The following ATP2C2 variants were observed in gnomAD, a reference collection of about 807,000 sequenced individuals.
ATP2C2 encodes the protein ATPase secretory pathway Ca2+ transporting 2, also known as calcium-transporting ATPase type 2C member 2.
In ATP2C2, 171 loss-of-function variants were observed where a neutral mutation model predicts 110.8. That is an observed-to-expected ratio of 1.54 (90% confidence interval 1.36 to 1.75). The LOEUF is 1.75. Among genes scored for constraint, ATP2C2 ranks in the 40% most tolerant of loss-of-function variants. ATP2C2 has a pLI of 0.00. For synonymous variants in ATP2C2, 804 were observed against 508.4 expected (o/e 1.58, Z -7.82); for missense variants, 1,963 against 1,235.0 (o/e 1.59, Z -8.84).
In ATP2C2 at chr16:84,462,008, C is replaced by G. The variant is rs189376627; in HGVS notation, c.2601C>G (p.Ile867Met). The stretch of plus-strand genomic sequence containing the variant: ...TGCAGACCAAGCTGATATTTGAGAT[C>G]GGCTTTCTCAGGAACCACATGTTCC... The part of the protein sequence containing the change: ...CRSQTKLIFE[I>M]GFLRNHMFLY... Residue 867 changes from isoleucine (I) to methionine (M), a missense_variant, in exon 26 of 27, where the codon ATC (isoleucine) becomes ATG (methionine). Ile to Met is a conservative substitution (Grantham distance 10). Transcript: ENST00000262429. 2 of 1,613,676 alleles carry G rather than the reference C, an allele frequency of 1.2e-6. No homozygotes were observed. The highest frequency in any genetic ancestry group is 2.2e-5 in the East Asian group (1 of 44,880).
At chr16:84,381,341 A>G (rs1910569187) in intron 1 of ATP2C2, among the ~76,000 whole-genome samples, 2 of 152,280 alleles carry the variant, frequency 1.3e-5, no homozygotes, top group South Asian at 4.1e-4. Flanking sequence ...ATCTGGATGT[A>G]TACGTGCAAG....
intron 24 of ATP2C2, 191 bp from the exon 25 acceptor site, chr16:84,461,523 G>T (rs1911335071): frequency 3.1e-6 from 2 of 640,612 alleles, no homozygotes; most frequent in South Asian, 3.6e-5. Flanking sequence ...CAGCAAATCA[G>T]CATGTGCTGG....
chr16:84,443,710 C>G (rs1412823838), intron 15 of ATP2C2, among the ~76,000 whole-genome samples: 2 of 152,218 alleles, frequency 1.3e-5, no homozygotes. Flanking sequence ...CCAGGGCTCA[C>G]TTCACTGCCT....
chr16:84,459,434 G>C (rs747063843), intron 23 of ATP2C2, 48 bp downstream of exon 23: 1 of 1,605,826 alleles, frequency 6.2e-7, no homozygotes, highest in Admixed American at 1.7e-5. Flanking sequence ...CCCACCTGCG[G>C]GGCTTCCTCC....
At chr16:84,420,962 T>A (rs1332341300) in intron 7 of ATP2C2, among the ~76,000 whole-genome samples, 1 of 152,058 alleles carries the variant, frequency 6.6e-6, no homozygotes, top group Admixed American at 6.5e-5. Flanking sequence ...CCTGCCCCCA[T>A]ACCCGGCTAA....
chr16:84,368,564 C>G lies in ATP2C2; in HGVS notation c.-52C>G. On this transcript the variant is annotated 5_prime_UTR_variant, in exon 1 of 27. Transcript: ENST00000262429. ...GGAGGCTTGGGCGCGCGCAGCCATCCCGGGCCTCGCCGGGGACCTAGGGAC... is the reference window on the plus strand; with the variant it reads ...GGAGGCTTGGGCGCGCGCAGCCATCGCGGGCCTCGCCGGGGACCTAGGGAC... The G allele has an allele frequency of 2.8e-6, 4 of 1,419,998 alleles. No homozygotes were observed. The highest frequency in any genetic ancestry group is 2.5e-5 in the South Asian group (2 of 81,104). The allele number at this position is 1,419,998 out of a possible 1,614,324, so 88.0% of individuals were successfully genotyped here.
At position 84,442,361 on chromosome 16, in the gene ATP2C2, G is replaced by A. The variant is rs919935237; in HGVS notation, c.1312-149G>A. 3.3e-5 allele frequency: 24 copies of A among 722,572 alleles called. No homozygotes were observed. In the East Asian group the frequency reaches 5.5e-4, roughly 17 times the overall value. 44.8% of individuals were successfully genotyped at this position (722,572 alleles called of 1,614,324 possible). On this transcript the variant is annotated intron_variant, in intron 14 of 26. Transcript: ENST00000262429. ...AGCACAGCCAAGAAATAGTCACGAT[G>A]TTTCTTTTAAAAAGCCGGGACGCTG...
intron 16 of ATP2C2, 84 bp from the exon 17 acceptor site, chr16:84,448,449 G>C (rs543572557): frequency 1.4e-6 from 2 of 1,471,982 alleles, no homozygotes; most frequent in South Asian, 2.7e-5. Flanking sequence ...GTGTGTCTTT[G>C]TAACCTTGTG....
chr16:84,415,574 G>C lies in ATP2C2; in HGVS notation c.607G>C (p.Asp203His), dbSNP rs764812534. ...SLSIGDRIPA[D>H]IRLTEVTDLL... Reference sequence around the variant, plus strand: ...CTCGATCGGAGACCGGATCCCTGCAGACATCCGACTCACTGAGGTGAGTGG... The same window carrying C: ...CTCGATCGGAGACCGGATCCCTGCACACATCCGACTCACTGAGGTGAGTGG... The change falls in exon 7 of 27, where the codon GAC (aspartate) becomes CAC (histidine). Residue 203 changes from aspartate to histidine, a missense_variant. Transcript: ENST00000262429. The C allele has an allele frequency of 3.1e-6, 5 of 1,613,740 alleles. No individual in the cohort carries two copies. The African/African-American group carries it at 5.3e-5, about 17-fold the overall frequency.
chr16:84,414,358 C>G (rs1906648214), intron 6 of ATP2C2, among the ~76,000 whole-genome samples: 2 of 152,224 alleles, frequency 1.3e-5, no homozygotes, highest in African/African-American at 4.8e-5. Flanking sequence ...CCACCTTGTG[C>G]CCACTGGGGT....
In ATP2C2 at chr16:84,461,936, G is replaced by T. The variant is rs116806343; in HGVS notation, c.2581-52G>T. 2.8e-3 allele frequency: 4,553 copies of T among 1,608,396 alleles called. 116 individuals are homozygous for T. The African/African-American group carries it at 0.054, about 19-fold the overall frequency. On this transcript the variant is annotated intron_variant, in intron 25 of 26. Coordinates refer to ENST00000262429, the MANE Select transcript of ATP2C2 (RefSeq NM_014861.4). Reference sequence around the variant, plus strand: ...GTGGGCAGTCAGAGCTCCCCTGCCTGTACCTGGGGTGTGGACAGCACACAA... The same window carrying T: ...GTGGGCAGTCAGAGCTCCCCTGCCTTTACCTGGGGTGTGGACAGCACACAA...
chr16:84,451,769 C>CA (rs1294247221), intron 17 of ATP2C2, 152 bp from the exon 18 acceptor site: 4 of 757,180 alleles, frequency 5.3e-6, no homozygotes, highest in Non-Finnish European at 8.6e-6. Context: ...ACCCAGGAGG[C>CA]AGAGGCTGCA....
chr16:84,461,056 G>A (rs1356470111), intron 24 of ATP2C2: 2 of 474,618 alleles, frequency 4.2e-6, no homozygotes, highest in Non-Finnish European at 7.4e-6. Context: ...TTGCCGAGAC[G>A]GGAGTTGAAA....
intron 10 of ATP2C2, among the ~76,000 whole-genome samples, chr16:84,423,938 C>G (rs1907576774): frequency 1.3e-5 from 2 of 152,212 alleles, no homozygotes. Flanking sequence ...GCTTGACATC[C>G]CCATAGTGCT....
At chr16:84,450,605 C>T (rs746428258) in intron 17 of ATP2C2, among the ~76,000 whole-genome samples, 6 of 152,204 alleles carry the variant, frequency 3.9e-5, no homozygotes, top group African/African-American at 7.2e-5. Flanking sequence ...GGAGGAAGGG[C>T]GCCAGCGTCA....
At chr16:84,438,398 A>C (rs1188751020) in intron 11 of ATP2C2, among the ~76,000 whole-genome samples, 1 of 152,154 alleles carries the variant, frequency 6.6e-6, no homozygotes, top group African/African-American at 2.4e-5. Context: ...GATGTTGTGG[A>C]GTCTCAGCCA....
At chr16:84,394,850 C>T (rs189221668) in intron 1 of ATP2C2, among the ~76,000 whole-genome samples, 66 of 152,264 alleles carry the variant, frequency 4.3e-4, no homozygotes, top group Middle Eastern at 6.8e-3. Flanking sequence ...TCATATTTGA[C>T]CTCATCTGAC....
intron 1 of ATP2C2, among the ~76,000 whole-genome samples, chr16:84,394,217 G>C (rs1370415370): frequency 6.6e-6 from 1 of 151,902 alleles, no homozygotes; most frequent in Non-Finnish European, 1.5e-5. Context: ...TTTTATTGAG[G>C]TGAAATTCAC....
At chr16:84,452,879 G>A (rs1020250972) in intron 18 of ATP2C2, among the ~76,000 whole-genome samples, 5 of 152,012 alleles carry the variant, frequency 3.3e-5, no homozygotes, top group African/African-American at 1.2e-4. Flanking sequence ...GCCGTGTCAG[G>A]TTCCAGTGTT....
Sources: allele counts gnomAD v4.1 joint callset (sites outside exome capture counted in the v4.1 genomes callset), GRCh38; gene constraint gnomAD v4.1.1; transcripts MANE v1.5; gene names NCBI Gene and HGNC (gene_info 2026-07-23, HGNC 2026-07-21).